The following EYS variants were observed in gnomAD, a reference collection of about 807,000 sequenced individuals.
The protein encoded by EYS is EGF-like photoreceptor maintenance factor.
In EYS, 250 loss-of-function variants were observed where a neutral mutation model predicts 282.1. The observed-to-expected ratio is 0.89, with a 90% CI of 0.80 to 0.98. The LOEUF is 0.98. Among genes scored for constraint, EYS ranks in the 50% least tolerant of loss-of-function variants. The pLI, the probability that EYS is intolerant of heterozygous loss-of-function variation, is 0.00. For synonymous variants in EYS, 1,355 were observed against 1,282.9 expected, an observed-to-expected ratio of 1.06 and a Z score of -1.20; for missense variants, 4,016 against 3,709.0, an observed-to-expected ratio of 1.08 and a Z score of -2.15.
At chr6:64,438,392 A>C in intron 27 of EYS, among the ~76,000 whole-genome samples, 1 of 151,812 alleles carries the variant, frequency 6.6e-6, no homozygotes, top group East Asian at 1.9e-4. Context: ...ATATAATTGC[A>C]TGTCATGTAG....
At chr6:65,094,623 A>AT (rs1335630005) in intron 12 of EYS, among the ~76,000 whole-genome samples, 1 of 151,336 alleles carries the variant, frequency 6.6e-6, no homozygotes, top group Admixed American at 6.6e-5. Flanking sequence ...TGAACCTACA[A>AT]TGGTCAAAAA....
chr6:64,692,644 T>C (rs1184200710), intron 22 of EYS, among the ~76,000 whole-genome samples: 1 of 152,174 alleles, frequency 6.6e-6, no homozygotes, highest in East Asian at 1.9e-4. Context: ...TTAAAAGAAC[T>C]ATTAGCAGAG....
intron 12 of EYS, among the ~76,000 whole-genome samples, chr6:65,173,079 A>G (rs1765142987): frequency 6.6e-6 from 1 of 151,394 alleles, no homozygotes. Flanking sequence ...GATAATAAAG[A>G]AGAGATTAAT....
intron 15 of EYS, among the ~76,000 whole-genome samples, chr6:64,913,821 A>T (rs1477977322): frequency 1.3e-5 from 2 of 152,122 alleles, no homozygotes; most frequent in African/African-American, 2.4e-5. Context: ...TAGTTCTTTG[A>T]GAAATCTCCA....
At chr6:64,708,622 G>GA (rs998900527) in intron 22 of EYS, among the ~76,000 whole-genome samples, 18 of 150,918 alleles carry the variant, frequency 1.2e-4, no homozygotes, top group Non-Finnish European at 1.3e-4. Flanking sequence ...AGCTATTTGG[G>GA]AAAAAAAAAG....
chr6:63,826,698 G>T (rs184140005), intron 36 of EYS, among the ~76,000 whole-genome samples: 159 of 152,092 alleles, frequency 1.0e-3, no homozygotes, highest in African/African-American at 3.6e-3. Context: ...AATGCTGAGA[G>T]AATTCACCAT....
chr6:64,219,780 C>A (rs1322386542), intron 31 of EYS, among the ~76,000 whole-genome samples: 1 of 152,072 alleles, frequency 6.6e-6, no homozygotes, highest in East Asian at 1.9e-4. Flanking sequence ...TGGAACCAAC[C>A]CAAATGTCCA....
intron 14 of EYS, among the ~76,000 whole-genome samples, chr6:64,953,327 T>C (rs558919597): frequency 2.2e-4 from 34 of 151,826 alleles, no homozygotes; most frequent in Non-Finnish European, 3.8e-4. Context: ...TCATTATTTA[T>C]GTAACTCTTG....
intron 5 of EYS, among the ~76,000 whole-genome samples, chr6:65,414,126 T>A (rs1300627485): frequency 1.3e-5 from 2 of 152,044 alleles, no homozygotes; most frequent in Non-Finnish European, 2.9e-5. Flanking sequence ...AAAGAGCATA[T>A]CAACAGAGAA....
chr6:64,441,693 G>C (rs537007542), intron 26 of EYS, among the ~76,000 whole-genome samples: 3 of 152,226 alleles, frequency 2.0e-5, no homozygotes, highest in Middle Eastern at 3.4e-3. Flanking sequence ...TGCTGTTCTT[G>C]CAATAGTGAA....
At chr6:64,452,396 G>T (rs549839972) in intron 26 of EYS, among the ~76,000 whole-genome samples, 15 of 152,124 alleles carry the variant, frequency 9.9e-5, no homozygotes, top group Non-Finnish European at 2.2e-4. Context: ...ATGCTCATGG[G>T]TAGGAAGAAT....
chr6:65,181,687 A>T (rs1765388896), intron 12 of EYS, among the ~76,000 whole-genome samples: 1 of 152,116 alleles, frequency 6.6e-6, no homozygotes, highest in African/African-American at 2.4e-5. Context: ...ATACCATTTG[A>T]CCCAGCCATC....
At chr6:63,911,599 T>C (rs1223146195) in intron 35 of EYS, among the ~76,000 whole-genome samples, 5 of 152,258 alleles carry the variant, frequency 3.3e-5, no homozygotes, top group Admixed American at 3.3e-4. Flanking sequence ...CTAAAAATTA[T>C]CAAAACTTTG....
intron 5 of EYS, among the ~76,000 whole-genome samples, chr6:65,466,875 A>C (rs1765019123): frequency 6.6e-6 from 1 of 152,142 alleles, no homozygotes; most frequent in Admixed American, 6.6e-5. Context: ...GCACCACGGA[A>C]AGTTTCTGGG....
chr6:64,763,189 T>C (rs1447734640), intron 22 of EYS, among the ~76,000 whole-genome samples: 1 of 152,200 alleles, frequency 6.6e-6, no homozygotes, highest in Non-Finnish European at 1.5e-5. Context: ...TAAGGAACTA[T>C]TTTTATGGGT....
At chr6:64,225,718 G>T (rs183340331) in intron 31 of EYS, among the ~76,000 whole-genome samples, 131 of 152,234 alleles carry the variant, frequency 8.6e-4, no homozygotes, top group Middle Eastern at 3.4e-3. Flanking sequence ...TAGGGAGCAG[G>T]CTGTCTTTGT....
chr6:63,986,936 TA>T, intron 34 of EYS, among the ~76,000 whole-genome samples: 1 of 130,282 alleles, frequency 7.7e-6, no homozygotes, highest in East Asian at 2.2e-4. Flanking sequence ...AAATAAAAGT[TA>T]AAAAACAAAA....
chr6:63,867,083 C>G (rs768348540), intron 35 of EYS, among the ~76,000 whole-genome samples: 2 of 152,156 alleles, frequency 1.3e-5, no homozygotes, highest in East Asian at 1.9e-4. Flanking sequence ...TTTGATGTCT[C>G]TCTACATCTT....
At chr6:64,795,385 T>A (rs1460846400) in intron 22 of EYS, among the ~76,000 whole-genome samples, 1 of 152,116 alleles carries the variant, frequency 6.6e-6, no homozygotes. Context: ...GAAGTAGATA[T>A]CCCGAGTATG....
Sources: allele counts gnomAD v4.1 joint callset (sites outside exome capture counted in the v4.1 genomes callset), GRCh38; gene constraint gnomAD v4.1.1; transcripts MANE v1.5; gene names NCBI Gene and HGNC (gene_info 2026-07-23, HGNC 2026-07-21).